NAALADL2: variants seen among roughly 807,000 people sequenced by gnomAD.
NAALADL2 encodes the protein inactive N-acetylated-alpha-linked acidic dipeptidase-like protein 2.
In NAALADL2, 76 loss-of-function variants were observed where a neutral mutation model predicts 87.2. That is an observed-to-expected ratio of 0.87 (90% CI 0.72 to 1.05). The LOEUF (loss-of-function observed/expected upper bound fraction) is 1.05. Ranked by LOEUF, NAALADL2 falls within the 50% of genes least tolerant of loss-of-function variation. The probability of loss-of-function intolerance (pLI) is 0.00; values close to 1 mark genes in which losing one functional copy is unlikely to be tolerated. For missense variants in NAALADL2, 1,089 were observed against 945.8 expected (o/e 1.15, Z -1.99); for synonymous variants, 354 against 331.0 (o/e 1.07, Z -0.75).
intron 10 of NAALADL2, among the ~76,000 whole-genome samples, chr3:175,625,325 T>C (rs1302832525): frequency 6.6e-6 from 1 of 152,044 alleles, no homozygotes. Flanking sequence ...CTGTCCAGCG[T>C]ATTATGAATG....
At chr3:174,524,600 A>G (rs1037841091) in intron 1 of NAALADL2, among the ~76,000 whole-genome samples, 18 of 152,116 alleles carry the variant, frequency 1.2e-4, no homozygotes, top group African/African-American at 4.3e-4. Flanking sequence ...GCTGGAGTGC[A>G]GTGGCATCAT....
rs939728367 is a variant in NAALADL2 at position 175,076,283 on chromosome 3, C to A, written c.44-20507C>A. Among the ~76,000 whole-genome samples the A allele has an allele frequency of 2.7e-5, 4 of 149,644 alleles. No individual in the cohort carries two copies. The South Asian group carries it at 8.4e-4, about 31-fold the overall frequency. ...AAAAGATTAGATGAGATGTGAAAGA[C>A]ATGTTGGGTCTTGCTTCTGCCAAAT... On this transcript the variant is annotated intron_variant, in intron 1 of 13. Coordinates refer to ENST00000454872, the MANE Select transcript of NAALADL2 (RefSeq NM_207015.3).
chr3:174,546,510 C>T (rs1020661692), intron 1 of NAALADL2, among the ~76,000 whole-genome samples: 1 of 152,134 alleles, frequency 6.6e-6, no homozygotes, highest in Non-Finnish European at 1.5e-5. Context: ...TTGCTGAACC[C>T]CCCCAGGGGT....
At chr3:174,515,430 A>G (rs1191606100) in intron 1 of NAALADL2, among the ~76,000 whole-genome samples, 3 of 152,092 alleles carry the variant, frequency 2.0e-5, no homozygotes, top group Non-Finnish European at 4.4e-5. Flanking sequence ...AGTCTTTAAC[A>G]TGGAGTTGGG....
At chr3:174,735,971 G>C (rs6787797) in intron 2 of NAALADL2, among the ~76,000 whole-genome samples, 21,790 of 152,096 alleles carry the variant, frequency 0.14, 1,802 homozygotes, top group African/African-American at 0.21. Context: ...CATGGGGTCT[G>C]ACCAAGCACA....
intron 1 of NAALADL2, among the ~76,000 whole-genome samples, chr3:175,030,925 A>T (rs892015144): frequency 5.9e-5 from 9 of 152,028 alleles, no homozygotes; most frequent in African/African-American, 1.7e-4. Context: ...CTACTTTTTT[A>T]AAAAAATGTA....
At chr3:175,635,586 C>T (rs1233812585) in intron 11 of NAALADL2, among the ~76,000 whole-genome samples, 2 of 152,078 alleles carry the variant, frequency 1.3e-5, no homozygotes, top group African/African-American at 4.8e-5. Context: ...ATGTTTAATT[C>T]AGGAAGTAGA....
At chr3:174,552,413 A>G (rs1402950551) in intron 2 of NAALADL2, among the ~76,000 whole-genome samples, 4 of 152,202 alleles carry the variant, frequency 2.6e-5, no homozygotes, top group African/African-American at 7.2e-5. Context: ...CACATTCTTA[A>G]TGACAAACAT....
intron 11 of NAALADL2, among the ~76,000 whole-genome samples, chr3:175,686,102 T>A (rs1736258299): frequency 6.6e-6 from 1 of 152,206 alleles, no homozygotes; most frequent in South Asian, 2.1e-4. Context: ...TGTCTAATGG[T>A]TCCTCATCCA....
At chr3:175,707,674 AT>A (rs1739915292) in intron 11 of NAALADL2, among the ~76,000 whole-genome samples, 1 of 152,102 alleles carries the variant, frequency 6.6e-6, no homozygotes, top group Admixed American at 6.6e-5. Flanking sequence ...TTATAGAGAT[AT>A]TATGGGATTT....
chr3:174,444,645 TGGA>T (rs1714906141), intron 1 of NAALADL2, among the ~76,000 whole-genome samples: 1 of 152,184 alleles, frequency 6.6e-6, no homozygotes, highest in African/African-American at 2.4e-5. Context: ...TCACCTCCCG[TGGA>T]GCTTATAACT....
chr3:175,541,878 G>A (rs183461308), intron 9 of NAALADL2, among the ~76,000 whole-genome samples: 8 of 152,210 alleles, frequency 5.3e-5, no homozygotes, highest in East Asian at 3.9e-4. Flanking sequence ...GTGACACCAC[G>A]CCCAGCTAAT....
chr3:175,279,056 A>C (rs1305585028), intron 4 of NAALADL2, among the ~76,000 whole-genome samples: 1 of 152,114 alleles, frequency 6.6e-6, no homozygotes, highest in Non-Finnish European at 1.5e-5. Context: ...ATTTCAGAAG[A>C]GTTTATTTTC....
intron 9 of NAALADL2, among the ~76,000 whole-genome samples, chr3:175,521,300 A>G (rs1304366959): frequency 6.6e-6 from 1 of 152,134 alleles, no homozygotes; most frequent in African/African-American, 2.4e-5. Context: ...ATGATATTCT[A>G]TCTTTGGAAT....
chr3:174,924,660 C>T (rs377475565), intron 1 of NAALADL2, among the ~76,000 whole-genome samples: 3 of 152,056 alleles, frequency 2.0e-5, no homozygotes, highest in Non-Finnish European at 4.4e-5. Context: ...ATGGTTGAAC[C>T]AGTTTACAGT....
chr3:175,074,247 T>C (rs1290481687), intron 1 of NAALADL2, among the ~76,000 whole-genome samples: 1 of 152,158 alleles, frequency 6.6e-6, no homozygotes, highest in Non-Finnish European at 1.5e-5. Context: ...GTTTAACTTT[T>C]GACTCACATG....
chr3:175,015,654 T>A (rs1254966223), intron 1 of NAALADL2, among the ~76,000 whole-genome samples: 3 of 152,110 alleles, frequency 2.0e-5, no homozygotes, highest in African/African-American at 7.2e-5. Context: ...AAATATATCA[T>A]TTAGTTTCAC....
intron 2 of NAALADL2, among the ~76,000 whole-genome samples, chr3:175,205,725 A>G (rs1319340081): frequency 6.6e-6 from 1 of 152,092 alleles, no homozygotes; most frequent in Non-Finnish European, 1.5e-5. Flanking sequence ...TCCAGAATCT[A>G]TAACAAACTC....
In NAALADL2 at chr3:175,128,925, ATTTT is replaced by A. The variant is rs200656722; in HGVS notation, c.545+31640_545+31643del. ...TGTATAGATTGTGTACTAGTTACCA[ATTTT>A]TTTTTGTTTGTTTGTTTGTTTGTTT... is the stretch of plus-strand genomic sequence containing the variant. On this transcript the variant is annotated intron_variant, in intron 2 of 13. Coordinates refer to ENST00000454872, the MANE Select transcript of NAALADL2 (RefSeq NM_207015.3). 1.2e-3 allele frequency among the ~76,000 whole-genome samples: 177 copies of A among 151,182 alleles called. 1 individual carries two copies. The highest frequency in any genetic ancestry group is 6.8e-3 in the Middle Eastern group (2 of 292).
Sources: allele counts gnomAD v4.1 joint callset (sites outside exome capture counted in the v4.1 genomes callset), GRCh38; gene constraint gnomAD v4.1.1; transcripts MANE v1.5; gene names NCBI Gene and HGNC (gene_info 2026-07-23, HGNC 2026-07-21).